Variants in TACC2 observed in about 807,000 individuals in gnomAD.
TACC2 encodes transforming acidic coiled-coil-containing protein 2.
A neutral mutation model predicts 227.3 loss-of-function variants in TACC2; 137 were observed. The observed-to-expected ratio is 0.60, with a 90% confidence interval of 0.52 to 0.69. The LOEUF is 0.69. TACC2 is among the 30% of genes least tolerant of loss of function. The pLI is 0.00. For synonymous variants in TACC2, 1,523 were observed against 1,487.5 expected, an observed-to-expected ratio of 1.02 and a Z score of -0.55; for missense variants, 3,470 against 3,694.4, an observed-to-expected ratio of 0.94 and a Z score of 1.57.
At chr10:122,152,633 G>A (rs1490254333) in intron 7 of TACC2, among the ~76,000 whole-genome samples, 1 of 152,216 alleles carries the variant, frequency 6.6e-6, no homozygotes, top group Non-Finnish European at 1.5e-5. Flanking sequence ...TCCAAGAGGA[G>A]GCAGCTTGTC....
Position 122,211,175 on chromosome 10 carries a change from C to G in TACC2, c.6750C>G (p.Ser2250Arg), listed in dbSNP as rs148585687. Residue 2250 changes from serine to arginine, a missense_variant, in exon 9 of 23, where the codon AGC becomes AGG. This residue lies in a region of TACC2 where 593 missense variants were observed against 636.6 expected (regional missense o/e 0.93). Transcript: ENST00000369005. ...PEAGEVTPSD[S>R]GGQEDSPAKG... is the part of the protein sequence containing the mutation. ...CAGGGGAGGTAACCCCATCGGATAG[C>G]GGGGGGCAAGAGGACTCTCCAGCCA... 2.7e-5 allele frequency: 44 copies of G among 1,611,970 alleles called. No individual in the cohort carries two copies. In the African/African-American group the frequency reaches 5.5e-4, roughly 20 times the overall value.
At position 122,132,071 on chromosome 10, in the gene TACC2, A is replaced by AAGG. The variant is rs2088347935; in HGVS notation, c.5574-537_5574-536insGGA. ...AAGAAAGAAAGAAAGAAAGAAAAAGAAAGAAAGAAAGAGAAAGATCTACAA... is the reference window on the plus strand; with the variant it reads ...AAGAAAGAAAGAAAGAAAGAAAAAGAAGGAAGAAAGAAAGAGAAAGATCTACAA... On this transcript the variant is annotated intron_variant, in intron 5 of 22. Coordinates refer to ENST00000369005, the MANE Select transcript of TACC2 (RefSeq NM_206862.4). 2.2e-4 allele frequency among the ~76,000 whole-genome samples: 31 copies of AAGG among 143,192 alleles called. No homozygotes were observed. In the East Asian group the frequency reaches 6.2e-3, roughly 29 times the overall value. 93.9% of individuals were successfully genotyped at this position (143,192 alleles called of 152,430 possible).
chr10:122,002,403 A>C (rs1954500887), intron 1 of TACC2, among the ~76,000 whole-genome samples: 1 of 136,730 alleles, frequency 7.3e-6, no homozygotes, highest in African/African-American at 2.5e-5. Context: ...TGCATCACTC[A>C]TGTTCATGAG....
At chr10:122,129,084 T>TATC (rs72150605) in intron 5 of TACC2, among the ~76,000 whole-genome samples, 7,236 of 148,084 alleles carry the variant, frequency 0.049, 355 homozygotes, top group Middle Eastern at 0.1. Flanking sequence ...TTATTATTAT[T>TATC]ATTATTATTA....
intron 1 of TACC2, among the ~76,000 whole-genome samples, chr10:122,001,712 C>T (rs1245820967): frequency 2.6e-5 from 4 of 152,160 alleles, no homozygotes; most frequent in Non-Finnish European, 4.4e-5. Flanking sequence ...AGGATCCAAA[C>T]GAGTTTCACA....
chr10:122,008,047 C>T (rs1425600270), intron 1 of TACC2, among the ~76,000 whole-genome samples: 1 of 152,082 alleles, frequency 6.6e-6, no homozygotes, highest in Non-Finnish European at 1.5e-5. Flanking sequence ...CTTGGATTTC[C>T]CAGCCTCCAG....
At chr10:122,222,762 C>T (rs558239474) in intron 11 of TACC2, among the ~76,000 whole-genome samples, 11 of 152,320 alleles carry the variant, frequency 7.2e-5, no homozygotes, top group South Asian at 2.1e-4. Flanking sequence ...AAAAACTCTG[C>T]GGTGGTCTGT....
At chr10:122,179,371 T>C (rs1239483440) in intron 7 of TACC2, among the ~76,000 whole-genome samples, 15 of 152,272 alleles carry the variant, frequency 9.9e-5, no homozygotes, top group Admixed American at 9.8e-4. Flanking sequence ...TCAACCAGTA[T>C]ATAAAGGATT....
chr10:122,227,173 A>C (rs2095645877), intron 13 of TACC2, among the ~76,000 whole-genome samples: 1 of 152,112 alleles, frequency 6.6e-6, no homozygotes, highest in African/African-American at 2.4e-5. Context: ...AGTACCTGGC[A>C]CACCTCAAGT....
chr10:122,120,059 C>A (rs576047466), intron 5 of TACC2, among the ~76,000 whole-genome samples: 5 of 152,274 alleles, frequency 3.3e-5, no homozygotes, highest in South Asian at 2.1e-4. Context: ...CCAAAGGATG[C>A]GGAAACAACA....
At position 122,167,417 on chromosome 10, in the gene TACC2, G is replaced by A. The variant is rs75427557; in HGVS notation, c.5834+23711G>A. Among the ~76,000 whole-genome samples the A allele has an allele frequency of 9.8e-4, 149 of 152,368 alleles. 3 individuals are homozygous for A. In the East Asian group the frequency reaches 0.027, roughly 27 times the overall value. On this transcript the variant is annotated intron_variant, in intron 7 of 22. Coordinates refer to ENST00000369005, the MANE Select transcript of TACC2 (RefSeq NM_206862.4). The stretch of plus-strand genomic sequence containing the variant: ...ATACCCTGGTAACTAAGAGAAAGAA[G>A]TGGCATTGGCCAAGACAGACAAGAA...
rs562187965 is a variant in TACC2 at position 122,209,271 on chromosome 10, G to T, written c.5972-1126G>T. Among the ~76,000 whole-genome samples, 2 of 152,112 alleles carry T rather than the reference G, an allele frequency of 1.3e-5. No homozygotes were observed. Among genetic ancestry groups the T allele is most frequent in the African/African-American group, 2.4e-5 (1 of 41,408 alleles). The stretch of plus-strand genomic sequence containing the variant: ...GACAGCAAGTGCTACTACAGGTGCC[G>T]GGGGCCTCCGTGTACAGGCTCCCCT... On this transcript the variant is annotated intron_variant, in intron 8 of 22. Coordinates refer to ENST00000369005, the MANE Select transcript of TACC2 (RefSeq NM_206862.4). The surrounding 1 kb of genome is among the most constrained non-coding windows in gnomAD (Gnocchi z 4.5).
At chr10:122,198,821 G>A (rs770111769) in intron 8 of TACC2, among the ~76,000 whole-genome samples, 2 of 152,342 alleles carry the variant, frequency 1.3e-5, no homozygotes, top group Middle Eastern at 3.4e-3. Context: ...TTGAGTGAAA[G>A]TTGTTGCTGG....
chr10:122,244,505 C>G (rs2096068723), intron 19 of TACC2, among the ~76,000 whole-genome samples: 1 of 152,144 alleles, frequency 6.6e-6, no homozygotes, highest in Admixed American at 6.5e-5. Context: ...TCCTTGTGTC[C>G]TTGTGGAAGA....
intron 6 of TACC2, among the ~76,000 whole-genome samples, chr10:122,139,002 G>A (rs909527542): frequency 1.3e-5 from 2 of 152,192 alleles, no homozygotes; most frequent in Non-Finnish European, 2.9e-5. Flanking sequence ...CAGGACATAA[G>A]GAAATCTTGC....
At chr10:122,062,465 G>A (rs896630091) in intron 3 of TACC2, among the ~76,000 whole-genome samples, 3 of 110,874 alleles carry the variant, frequency 2.7e-5, no homozygotes, top group Non-Finnish European at 3.8e-5. Context: ...CACCACGTCC[G>A]GCTAATTTTG....
At chr10:122,164,063 C>A in intron 7 of TACC2, 2 of 1,529,410 alleles carry the variant, frequency 1.3e-6, no homozygotes, top group South Asian at 1.2e-5. Context: ...TTGTTAGTGT[C>A]GCCTTTCCTA....
At chr10:122,014,655 C>T (rs1480844073) in intron 1 of TACC2, among the ~76,000 whole-genome samples, 1 of 152,214 alleles carries the variant, frequency 6.6e-6, no homozygotes, top group Non-Finnish European at 1.5e-5. Flanking sequence ...GTGGCTTCTG[C>T]AGTCTTGCTG....
intron 6 of TACC2, among the ~76,000 whole-genome samples, chr10:122,142,682 G>A (rs2090789911): frequency 6.6e-6 from 1 of 152,214 alleles, no homozygotes; most frequent in Admixed American, 6.5e-5. Context: ...ACAAACCCCA[G>A]CTACCACCTC....
Sources: allele counts gnomAD v4.1 joint callset (sites outside exome capture counted in the v4.1 genomes callset), GRCh38; gene constraint gnomAD v4.1.1; regional missense constraint gnomAD v4.1.1; non-coding constraint Gnocchi (gnomAD v3.1); transcripts MANE v1.5; gene names NCBI Gene and HGNC (gene_info 2026-07-23, HGNC 2026-07-21).